The following RLN2 variants were observed in gnomAD, a reference collection of about 807,000 sequenced individuals.
RLN2 encodes relaxin 2.
Under a neutral mutation model 7.3 loss-of-function variants are expected in RLN2, and 10 were observed. The ratio of observed to expected loss-of-function variants is 1.36; its 90% CI spans 0.84 to 2.31. RLN2 has a LOEUF of 2.31. Among genes scored for constraint, RLN2 ranks in the 30% most tolerant of loss-of-function variants. The pLI is 0.00. For missense variants in RLN2, 298 were observed against 217.6 expected, an observed-to-expected ratio of 1.37 and a Z score of -2.32; for synonymous variants, 103 against 82.3, an observed-to-expected ratio of 1.25 and a Z score of -1.36.
Position 5,300,010 on chromosome 9 carries a change from G to C in RLN2, c.*88C>G. 1.3e-6 allele frequency: 1 copy of C among 768,648 alleles called. No homozygotes were observed. Among genetic ancestry groups the C allele is most frequent in the South Asian group, 2.1e-5 (1 of 47,618 alleles). The allele number at this position is 768,648 out of a possible 1,614,324, so 47.6% of individuals were successfully genotyped here. ...TAACAAAGATTCTTAGATATTCTAAGAATTGATGGGACCTGATAGAAGCAT... is the reference window on the plus strand; with the variant it reads ...TAACAAAGATTCTTAGATATTCTAACAATTGATGGGACCTGATAGAAGCAT... On this transcript the variant is annotated 3_prime_UTR_variant, in exon 2 of 2. Coordinates refer to ENST00000381627, the MANE Select transcript of RLN2 (RefSeq NM_134441.3).
At chr9:5,329,309 C>CAAAAAA in the RLN2 span, among the ~76,000 whole-genome samples, 18 of 53,140 alleles carry the variant, frequency 3.4e-4, no homozygotes, top group African/African-American at 4.5e-4. Flanking sequence ...GACTCCATCT[C>CAAAAAA]AAAAAAAAAA....
chr9:5,304,598 C>A lies in RLN2; in HGVS notation c.-18G>T, dbSNP rs1816207194. 1 of 1,612,526 alleles carries A rather than the reference C, an allele frequency of 6.2e-7. No homozygotes were observed. The highest frequency in any genetic ancestry group is 1.3e-5 in the African/African-American group (1 of 74,918). ...CGAGGCATCCTGGGCCTGGTCTCTC[C>A]TGGAGGTCGGGACGTTGCAGCCTTT... On this transcript the variant is annotated 5_prime_UTR_variant, in exon 1 of 2. In the 5' UTR this introduces an upstream ATG that the reference lacks. Coordinates refer to ENST00000381627, the MANE Select transcript of RLN2 (RefSeq NM_134441.3).
the RLN2 span, among the ~76,000 whole-genome samples, chr9:5,322,037 C>T: frequency 6.6e-6 from 1 of 152,044 alleles, no homozygotes; most frequent in Non-Finnish European, 1.5e-5. Context: ...CAAATAGGAA[C>T]TCTGTAGCTT....
At chr9:5,307,709 T>C (rs1271597884), upstream of RLN2, among the ~76,000 whole-genome samples, 1 of 152,016 alleles carries the variant, frequency 6.6e-6, no homozygotes, top group Non-Finnish European at 1.5e-5. Context: ...TGTTGGAATC[T>C]CCATTTCATA....
intron 1 of RLN2, among the ~76,000 whole-genome samples, chr9:5,301,855 A>AT (rs1816148420): frequency 6.6e-6 from 1 of 152,216 alleles, no homozygotes; most frequent in Admixed American, 6.5e-5. Context: ...AAACTGTAGT[A>AT]TTTCATCCTT....
the RLN2 span, among the ~76,000 whole-genome samples, chr9:5,320,722 G>C: frequency 6.6e-6 from 1 of 152,018 alleles, no homozygotes; most frequent in Non-Finnish European, 1.5e-5. Flanking sequence ...GTTATTTTTA[G>C]TATTGCATTT....
the RLN2 span, among the ~76,000 whole-genome samples, chr9:5,317,901 G>A: frequency 1.3e-5 from 2 of 151,946 alleles, no homozygotes; most frequent in African/African-American, 2.4e-5. Flanking sequence ...TTGACGAAGT[G>A]TGGGAGAGAC....
At chr9:5,306,102 G>GGTTTTT (rs1554618110), upstream of RLN2, among the ~76,000 whole-genome samples, 765 of 123,314 alleles carry the variant, frequency 6.2e-3, 14 homozygotes, top group African/African-American at 0.024. Flanking sequence ...CTTTGTTTTT[G>GGTTTTT]TTTTTTGTTT....
upstream of RLN2, among the ~76,000 whole-genome samples, chr9:5,308,878 C>T (rs562893032): frequency 7.3e-4 from 111 of 152,222 alleles, 1 homozygote; most frequent in African/African-American, 2.3e-3. Context: ...CACATCCTTT[C>T]GTGGTAACCA....
At chr9:5,307,255 TA>T (rs1816268476), upstream of RLN2, among the ~76,000 whole-genome samples, 1 of 116,872 alleles carries the variant, frequency 8.6e-6, no homozygotes, top group South Asian at 3.2e-4. Flanking sequence ...AGATAGATGA[TA>T]GATAGATAGA....
At chr9:5,323,821 G>A in the RLN2 span, among the ~76,000 whole-genome samples, 5 of 151,892 alleles carry the variant, frequency 3.3e-5, no homozygotes, top group Non-Finnish European at 7.4e-5. Context: ...CGAGGTGGAT[G>A]GATTCACTTG....
chr9:5,321,476 G>C, the RLN2 span, among the ~76,000 whole-genome samples: 4 of 151,936 alleles, frequency 2.6e-5, no homozygotes, highest in Non-Finnish European at 5.9e-5. Context: ...GATACTGTCT[G>C]TCATTTTTAC....
the RLN2 span, among the ~76,000 whole-genome samples, chr9:5,320,409 C>T: frequency 6.6e-6 from 1 of 152,078 alleles, no homozygotes; most frequent in African/African-American, 2.4e-5. Flanking sequence ...GCCACTCTGT[C>T]GCCTAGGCTG....
At chr9:5,306,297 T>C (rs1366930733), upstream of RLN2, among the ~76,000 whole-genome samples, 1 of 151,606 alleles carries the variant, frequency 6.6e-6, no homozygotes, top group African/African-American at 2.4e-5. Flanking sequence ...TATTAGAGAC[T>C]GGGTTTCACC....
At chr9:5,337,385 A>G in the RLN2 span, among the ~76,000 whole-genome samples, 3 of 152,080 alleles carry the variant, frequency 2.0e-5, no homozygotes, top group Admixed American at 2.0e-4. Flanking sequence ...TTCATAATCC[A>G]TAACACTTTT....
chr9:5,310,447 G>C, the RLN2 span, among the ~76,000 whole-genome samples: 1 of 151,904 alleles, frequency 6.6e-6, no homozygotes, highest in Admixed American at 6.6e-5. Context: ...TTATTTCCTA[G>C]GAAAAAACTA....
chr9:5,307,264 A>AGAG (rs1321224432), upstream of RLN2, among the ~76,000 whole-genome samples: 16 of 106,308 alleles, frequency 1.5e-4, no homozygotes, highest in South Asian at 3.7e-4. Context: ...ATAGATAGAT[A>AGAG]GATAGAGGAT....
At chr9:5,334,939 T>C in the RLN2 span, 1 of 212,654 alleles carries the variant, frequency 4.7e-6, no homozygotes, top group Middle Eastern at 1.7e-3. Context: ...GTAACTGTTG[T>C]TAGGTACTGT....
chr9:5,314,609 G>A, the RLN2 span, among the ~76,000 whole-genome samples: 4 of 151,960 alleles, frequency 2.6e-5, no homozygotes, highest in South Asian at 8.3e-4. Context: ...CCTACAGGTT[G>A]AATAATTGTA....
Sources: gnomAD v4.1 joint callset for allele counts (sites outside exome capture counted in the v4.1 genomes callset) on GRCh38, gnomAD v4.1.1 for gene constraint, MANE v1.5 for transcripts, NCBI Gene and HGNC (gene_info 2026-07-23, HGNC 2026-07-21) for gene names.